The following MED13L variants were observed in gnomAD, a reference collection of about 807,000 sequenced individuals.
The protein encoded by MED13L is mediator of RNA polymerase II transcription subunit 13-like.
Under a neutral mutation model 220.9 loss-of-function variants are expected in MED13L, and 7 were observed. That is an observed-to-expected ratio of 0.03 (90% CI 0.02 to 0.06). The LOEUF is 0.06. Among genes scored for constraint, MED13L ranks in the 10% least tolerant of loss-of-function variants. MED13L has a pLI of 1.00. For synonymous variants in MED13L, 1,011 were observed against 1,015.2 expected (o/e 1.00, Z 0.08); for missense variants, 1,965 against 2,760.5 (o/e 0.71, Z 6.46).
At chr12:116,200,492 G>A (rs1246962024) in intron 2 of MED13L, among the ~76,000 whole-genome samples, 1 of 152,180 alleles carries the variant, frequency 6.6e-6, no homozygotes, top group Non-Finnish European at 1.5e-5. Context: ...TCTAATTTGT[G>A]AAACTTTCAG....
intron 4 of MED13L, among the ~76,000 whole-genome samples, chr12:116,095,405 T>C (rs1872565973): frequency 6.6e-6 from 1 of 152,218 alleles, no homozygotes; most frequent in Admixed American, 6.5e-5. Flanking sequence ...TTCCGGTCCC[T>C]AATTTATCTG....
At chr12:115,976,697 T>C (rs1052573727) in intron 23 of MED13L, among the ~76,000 whole-genome samples, 2 of 152,192 alleles carry the variant, frequency 1.3e-5, no homozygotes, top group African/African-American at 4.8e-5. Flanking sequence ...AATATAAATA[T>C]TTTAGATCAA....
rs148928636 is a variant in MED13L at position 115,960,242 on chromosome 12, A to G, written c.*1024T>C. ...AAACACTTTCAATTGTTGTATGTAC[A>G]TAAGTCCCTTTTGATCTAATGAGAG... On this transcript the variant is annotated 3_prime_UTR_variant, in exon 31 of 31. Transcript: ENST00000281928. The G allele has an allele frequency of 4.6e-5, 7 of 152,802 alleles. No individual in the cohort carries two copies. The highest frequency in any genetic ancestry group is 7.3e-5 in the Non-Finnish European group (5 of 68,040). The allele number at this position is 152,802 out of a possible 1,614,324, so 9.5% of individuals were successfully genotyped here.
intron 3 of MED13L, among the ~76,000 whole-genome samples, chr12:116,107,355 C>CA (rs1873674647): frequency 6.6e-6 from 1 of 152,018 alleles, no homozygotes; most frequent in African/African-American, 2.4e-5. Flanking sequence ...TGAAAAGTTA[C>CA]AAAAGTAAGT....
At chr12:116,001,850 C>T (rs1878765425) in intron 14 of MED13L, among the ~76,000 whole-genome samples, 2 of 152,170 alleles carry the variant, frequency 1.3e-5, no homozygotes, top group African/African-American at 2.4e-5. Context: ...AAGGATAGAG[C>T]ACACAATATA....
chr12:116,193,135 AAAC>A (rs1346444937), intron 2 of MED13L, among the ~76,000 whole-genome samples: 4 of 152,008 alleles, frequency 2.6e-5, no homozygotes, highest in Non-Finnish European at 4.4e-5. Flanking sequence ...TCTCAAAAAG[AAAC>A]AACAACAACA....
chr12:116,221,882 C>T (rs1026792848), intron 2 of MED13L, among the ~76,000 whole-genome samples: 2 of 151,988 alleles, frequency 1.3e-5, no homozygotes, highest in African/African-American at 4.8e-5. Context: ...TATTCAAATC[C>T]CCATAAGGAG....
intron 2 of MED13L, among the ~76,000 whole-genome samples, chr12:116,123,935 C>T (rs1020323510): frequency 1.3e-5 from 2 of 152,070 alleles, no homozygotes; most frequent in African/African-American, 2.4e-5. Flanking sequence ...CAGGCTGAGA[C>T]TAATGCATTC....
In MED13L at chr12:115,961,350, C is replaced by T. The variant is rs768288594; in HGVS notation, c.6549G>A (p.Pro2183=). 23 of 1,613,968 alleles carry T rather than the reference C, an allele frequency of 1.4e-5. No homozygotes were observed. Among genetic ancestry groups the T allele is most frequent in the East Asian group, 2.2e-5 (1 of 44,880 alleles). The change falls in exon 31 of 31, where the codon CCG becomes CCA. Residue 2183 remains proline (P), a synonymous_variant. Transcript: ENST00000281928. ...YNALSWLTCN[P]ATQDRTSCLP... is the part of the protein sequence containing the mutation. ...GGCAGGAAGTACGGTCCTGGGTGGCCGGATTGCACGTGAGCCAGGACAGAG... is the reference window on the plus strand; with the variant it reads ...GGCAGGAAGTACGGTCCTGGGTGGCTGGATTGCACGTGAGCCAGGACAGAG...
chr12:116,174,491 T>G (rs555975014), intron 2 of MED13L: 20 of 151,878 alleles, frequency 1.3e-4, no homozygotes, highest in African/African-American at 3.4e-4. Context: ...TGTTTTGTTT[T>G]TTTTTTTTTA....
rs1875719195 is a variant in MED13L, at chr12:115,960,962, C to T, written c.*304G>A. ...AAAGGACACTGTCTCTTCTGTTTCC[C>T]GCTGAAAAGCCATCAACCACCACCA... is the stretch of plus-strand genomic sequence containing the variant. On this transcript the variant is annotated 3_prime_UTR_variant, in exon 31 of 31. Coordinates refer to ENST00000281928, the MANE Select transcript of MED13L (RefSeq NM_015335.5). 4.8e-6 allele frequency: 2 copies of T among 416,684 alleles called. No individual in the cohort carries two copies. The highest frequency in any genetic ancestry group is 2.1e-5 in the South Asian group (1 of 46,948). The allele number at this position is 416,684 out of a possible 1,614,324, so 25.8% of individuals were successfully genotyped here.
At chr12:116,050,659 G>C (rs117844315) in intron 4 of MED13L, among the ~76,000 whole-genome samples, 10 of 152,008 alleles carry the variant, frequency 6.6e-5, no homozygotes. Context: ...TCCATTGGCC[G>C]GGCACGGTGG....
chr12:116,071,348 A>T (rs983769140), intron 4 of MED13L, among the ~76,000 whole-genome samples: 1 of 152,276 alleles, frequency 6.6e-6, no homozygotes, highest in African/African-American at 2.4e-5. Flanking sequence ...TGCTTCAAAC[A>T]GGTGAAACAT....
chr12:116,237,380 A>G, intron 2 of MED13L, 88 bp downstream of exon 2: 2 of 1,067,978 alleles, frequency 1.9e-6, no homozygotes, highest in Admixed American at 1.8e-5. Flanking sequence ...TCGTTCTTTT[A>G]GACAAGTCTT....
rs1875729697 is a variant in MED13L at position 115,961,138 on chromosome 12, T to A, written c.*128A>T. 12 of 1,210,784 alleles carry A rather than the reference T, an allele frequency of 9.9e-6. No homozygotes were observed. The South Asian group carries it at 1.5e-4, about 15-fold the overall frequency. The allele number at this position is 1,210,784 out of a possible 1,614,324, so 75.0% of individuals were successfully genotyped here. A position where few individuals can be genotyped will look rare whatever the true frequency, so the allele number is the denominator to read the frequency against. On this transcript the variant is annotated 3_prime_UTR_variant, in exon 31 of 31. Coordinates refer to ENST00000281928, the MANE Select transcript of MED13L (RefSeq NM_015335.5). ...TTGACATGTGCCTGCTGAGAAGGAA[T>A]CACAGTGCAGGACTGTGGAGAGTGG...
chr12:116,253,853 G>A (rs1871800621), intron 1 of MED13L, among the ~76,000 whole-genome samples: 1 of 144,574 alleles, frequency 6.9e-6, no homozygotes, highest in Non-Finnish European at 1.5e-5. Context: ...TTTGCCTCCT[G>A]GGTTCAAGAG....
intron 2 of MED13L, among the ~76,000 whole-genome samples, chr12:116,228,410 G>A (rs1202512521): frequency 2.0e-5 from 3 of 152,010 alleles, no homozygotes; most frequent in Admixed American, 6.6e-5. Flanking sequence ...CTGAACTCTT[G>A]GGCTCAAGTA....
chr12:116,063,216 T>G (rs1345146609), intron 4 of MED13L, among the ~76,000 whole-genome samples: 1 of 152,216 alleles, frequency 6.6e-6, no homozygotes, highest in Non-Finnish European at 1.5e-5. Flanking sequence ...TTTGTACTGA[T>G]AGTAGATAAT....
chr12:116,166,093 G>A (rs1319763147), intron 2 of MED13L, among the ~76,000 whole-genome samples: 1 of 152,238 alleles, frequency 6.6e-6, no homozygotes, highest in Non-Finnish European at 1.5e-5. Flanking sequence ...GTCAGGCGCA[G>A]TGGCTCATGC....
Sources: gnomAD v4.1 joint callset for allele counts (sites outside exome capture counted in the v4.1 genomes callset) on GRCh38, gnomAD v4.1.1 for gene constraint, MANE v1.5 for transcripts, NCBI Gene and HGNC (gene_info 2026-07-23, HGNC 2026-07-21) for gene names.